DNMBP: variants seen among roughly 807,000 people sequenced by gnomAD.
DNMBP encodes the protein dynamin-binding protein.
A neutral mutation model predicts 150.0 loss-of-function variants in DNMBP; 87 were observed. The observed-to-expected ratio is 0.58, with a 90% CI of 0.49 to 0.69. The LOEUF is 0.69. Among genes scored for constraint, DNMBP ranks in the 30% least tolerant of loss-of-function variants. DNMBP has a pLI of 0.00. For synonymous variants in DNMBP, 711 were observed against 750.4 expected, an observed-to-expected ratio of 0.95 and a Z score of 0.86; for missense variants, 1,774 against 1,949.0, an observed-to-expected ratio of 0.91 and a Z score of 1.69.
At chr10:99,949,258 G>A (rs753520242) in intron 4 of DNMBP, among the ~76,000 whole-genome samples, 17 of 152,244 alleles carry the variant, frequency 1.1e-4, no homozygotes, top group South Asian at 8.3e-4. Context: ...ACTATGTATA[G>A]AACATCATAC....
At chr10:99,889,363 T>C (rs188375078) in intron 11 of DNMBP, 1 of 155,676 alleles carries the variant, frequency 6.4e-6, no homozygotes, top group Non-Finnish European at 1.4e-5. Flanking sequence ...GCCATGTTAC[T>C]GATCCTCAAA....
At chr10:99,987,251 C>T (rs1444694974) in intron 1 of DNMBP, among the ~76,000 whole-genome samples, 1 of 151,908 alleles carries the variant, frequency 6.6e-6, no homozygotes, top group African/African-American at 2.4e-5. Flanking sequence ...GCTTGTAATC[C>T]GAGCATTCTG....
rs1444583702 is a variant in DNMBP at position 99,957,191 on chromosome 10, G to A, written c.283C>T (p.Leu95Phe). Residue 95 changes from leucine (L) to phenylalanine (F), a missense_variant, in exon 4 of 17, where the codon CTC becomes TTC. Leu to Phe is a conservative substitution (Grantham distance 22). Transcript: ENST00000324109. Reference sequence around the variant, plus strand: ...CAGCCTGCAGTGGGAATGCCATCGAGAATCACCAGGTCACCTAAAGAAAAG... The same window carrying A: ...CAGCCTGCAGTGGGAATGCCATCGAAAATCACCAGGTCACCTAAAGAAAAG... ...LPLHRGDLVILDGIPTAGWLQ... is the reference protein window; with the variant it reads ...LPLHRGDLVIFDGIPTAGWLQ... The A allele has an allele frequency of 1.9e-6, 3 of 1,602,518 alleles. No individual in the cohort carries two copies. Among genetic ancestry groups the A allele is most frequent in the Non-Finnish European group, 2.5e-6 (3 of 1,179,332 alleles).
At chr10:99,880,621 T>C (rs1481411996) in intron 15 of DNMBP, among the ~76,000 whole-genome samples, 1 of 152,136 alleles carries the variant, frequency 6.6e-6, no homozygotes, top group Non-Finnish European at 1.5e-5. Context: ...TCATTCATGT[T>C]CACAACCTCA....
intron 1 of DNMBP, among the ~76,000 whole-genome samples, chr10:99,984,536 TA>T (rs1322160308): frequency 6.6e-6 from 1 of 152,242 alleles, no homozygotes; most frequent in Non-Finnish European, 1.5e-5. Context: ...AATAAACGTG[TA>T]AAAACACGCA....
chr10:99,881,719 G>T (rs1218252706), intron 15 of DNMBP, among the ~76,000 whole-genome samples: 1 of 152,166 alleles, frequency 6.6e-6, no homozygotes, highest in African/African-American at 2.4e-5. Context: ...GCTGTCACCT[G>T]ATGTCACCCT....
At chr10:99,924,246 G>A (rs1216285121) in intron 4 of DNMBP, among the ~76,000 whole-genome samples, 2 of 129,760 alleles carry the variant, frequency 1.5e-5, no homozygotes, top group African/African-American at 5.3e-5. Context: ...GACCATCCTG[G>A]CTAACACGGT....
At chr10:99,998,605 C>T (rs1488020561) in intron 1 of DNMBP, among the ~76,000 whole-genome samples, 1 of 146,356 alleles carries the variant, frequency 6.8e-6, no homozygotes, top group Non-Finnish European at 1.5e-5. Context: ...AAAAGAAACA[C>T]ATTAACTAAA....
rs71488038 is a variant in DNMBP at position 99,933,470 on chromosome 10, C to T, written c.2260+21744G>A. On this transcript the variant is annotated intron_variant, in intron 4 of 16. Coordinates refer to ENST00000324109, the MANE Select transcript of DNMBP (RefSeq NM_015221.4). ...GTAATAAAGCTTATCAAAACAGTTA[C>T]CCTGTTGAAAATAGACAGGAAAACA... 1.4e-3 allele frequency among the ~76,000 whole-genome samples: 207 copies of T among 152,280 alleles called. No individual in the cohort carries two copies. In the East Asian group the frequency reaches 0.017, roughly 13 times the overall value.
At chr10:99,898,023 G>T in intron 9 of DNMBP, 63 bp downstream of exon 9, 1 of 1,436,732 alleles carries the variant, frequency 7.0e-7, no homozygotes, top group Non-Finnish European at 9.8e-7. Flanking sequence ...GTAATGAATT[G>T]TTTTGAGAAG....
chr10:100,001,410 G>GTTTTTTTTTTTTT (rs1346291816), intron 1 of DNMBP, among the ~76,000 whole-genome samples: 2 of 96,378 alleles, frequency 2.1e-5, no homozygotes, highest in African/African-American at 7.8e-5. Context: ...TTTTGTTGTT[G>GTTTTTTTTTTTTT]TTGTTTTTTT....
intron 1 of DNMBP, among the ~76,000 whole-genome samples, chr10:99,977,286 G>A (rs545130818): frequency 1.3e-5 from 2 of 152,152 alleles, no homozygotes; most frequent in African/African-American, 2.4e-5. Flanking sequence ...TCTCTGCCCT[G>A]TATACCCTAT....
At position 99,879,904 on chromosome 10, in the gene DNMBP, T is replaced by G. The variant is rs2039336785; in HGVS notation, c.4455A>C (p.Gln1485His). 2.5e-6 allele frequency: 4 copies of G among 1,614,126 alleles called. No homozygotes were observed. Among genetic ancestry groups the G allele is most frequent in the Non-Finnish European group, 2.5e-6 (3 of 1,180,048 alleles). ...VGYSVPGRNG[Q>H]SQDLVKGCAR... ...CACATCCTTTGACGAGGTCTTGACT[T>G]TGCCCATTTCGTCCTGGTACGGAGT... is the stretch of plus-strand genomic sequence containing the variant. Residue 1485 changes from glutamine (Q) to histidine (H), a missense_variant, in exon 16 of 17, where the codon CAA becomes CAC. Physicochemically the swap from Gln to His is conservative, Grantham distance 24. Around this residue, in one of 2 missense-constraint regions of DNMBP, gnomAD observed 1,430 missense variants for 1,492.5 expected, o/e 0.96. Transcript: ENST00000324109.
At chr10:99,938,126 A>G (rs1485126138) in intron 4 of DNMBP, among the ~76,000 whole-genome samples, 1 of 152,246 alleles carries the variant, frequency 6.6e-6, no homozygotes, top group African/African-American at 2.4e-5. Context: ...TGTTATGGAA[A>G]ACAAAGTTCA....
At chr10:99,982,170 C>T (rs892076451) in intron 1 of DNMBP, among the ~76,000 whole-genome samples, 16 of 152,164 alleles carry the variant, frequency 1.1e-4, no homozygotes, top group African/African-American at 2.2e-4. Flanking sequence ...GATGGCTAGG[C>T]GCAGTGGCTC....
intron 1 of DNMBP, among the ~76,000 whole-genome samples, chr10:99,977,401 T>G (rs773810200): frequency 5.3e-5 from 8 of 152,122 alleles, no homozygotes; most frequent in Non-Finnish European, 1.5e-5. Flanking sequence ...CAACTCCAGA[T>G]AGAAGTAAAA....
chr10:99,911,841 A>G (rs3121881), intron 4 of DNMBP, among the ~76,000 whole-genome samples: 113,291 of 152,176 alleles, frequency 0.74, 43,536 homozygotes, highest in African/African-American at 0.94. Context: ...TGTGTTACAT[A>G]TAAAATTTAT....
chr10:99,920,997 C>T (rs1318739500), intron 4 of DNMBP, among the ~76,000 whole-genome samples: 1 of 152,146 alleles, frequency 6.6e-6, no homozygotes, highest in Non-Finnish European at 1.5e-5. Flanking sequence ...CACTCTTTTA[C>T]TTCATTTACT....
chr10:99,986,897 A>G (rs2040833469), intron 1 of DNMBP, among the ~76,000 whole-genome samples: 1 of 152,100 alleles, frequency 6.6e-6, no homozygotes, highest in East Asian at 1.9e-4. Flanking sequence ...GCTCACACCT[A>G]TAATCCCAGC....
Sources: allele counts gnomAD v4.1 joint callset (sites outside exome capture counted in the v4.1 genomes callset), GRCh38; gene constraint gnomAD v4.1.1; regional missense constraint gnomAD v4.1.1; transcripts MANE v1.5; gene names NCBI Gene and HGNC (gene_info 2026-07-23, HGNC 2026-07-21).